RSU1: variants seen among roughly 807,000 people sequenced by gnomAD.
The protein encoded by RSU1 is rsu-1.
RSU1 carries 26 observed loss-of-function variants against 31.1 expected under a neutral mutation model. The ratio of observed to expected loss-of-function variants is 0.84; its 90% CI spans 0.61 to 1.16. RSU1 has a LOEUF of 1.16. Among genes scored for constraint, RSU1 ranks in the 50% most tolerant of loss-of-function variants. The pLI is 0.00. For missense variants in RSU1, 320 were observed against 339.1 expected, an observed-to-expected ratio of 0.94 and a Z score of 0.44; for synonymous variants, 164 against 136.3, an observed-to-expected ratio of 1.20 and a Z score of -1.41.
rs185236350 is a variant in RSU1, at chr10:16,616,581, A to G, written c.732-23085T>C. ...AACAAAAAAAGAAAATTTCAGGCCAATATTCCTGATGAAGATCAACAGGTG... is the reference window on the plus strand; with the variant it reads ...AACAAAAAAAGAAAATTTCAGGCCAGTATTCCTGATGAAGATCAACAGGTG... On this transcript the variant is annotated intron_variant, in intron 8 of 8. Coordinates refer to ENST00000345264, the MANE Select transcript of RSU1 (RefSeq NM_012425.4). Among the ~76,000 whole-genome samples, 768 of 152,292 alleles carry G rather than the reference A, an allele frequency of 5.0e-3. 10 individuals carry two copies. The highest frequency in any genetic ancestry group is 0.018 in the African/African-American group (745 of 41,570).
intron 8 of RSU1, among the ~76,000 whole-genome samples, chr10:16,642,256 G>T (rs577456604): frequency 6.6e-6 from 1 of 152,132 alleles, no homozygotes; most frequent in Non-Finnish European, 1.5e-5. Flanking sequence ...AGGAAAAGAG[G>T]CAAGGGACAT....
chr10:16,614,905 A>G (rs1362307931), intron 8 of RSU1, among the ~76,000 whole-genome samples: 17 of 152,210 alleles, frequency 1.1e-4, no homozygotes, highest in Non-Finnish European at 2.9e-5. Flanking sequence ...TGGAAAGGAA[A>G]AATTTGTAAC....
At chr10:16,675,684 A>G (rs999290103) in intron 8 of RSU1, among the ~76,000 whole-genome samples, 1 of 152,374 alleles carries the variant, frequency 6.6e-6, no homozygotes, top group South Asian at 2.1e-4. Context: ...GTAATATAGT[A>G]AGGACAAAAT....
chr10:16,613,799 A>T (rs1490510327), intron 8 of RSU1, among the ~76,000 whole-genome samples: 2 of 135,866 alleles, frequency 1.5e-5, no homozygotes, highest in African/African-American at 5.8e-5. Context: ...ACAGCTCTTT[A>T]AAAAAAAAAA....
chr10:16,742,169 T>C (rs1836768166), intron 7 of RSU1, among the ~76,000 whole-genome samples: 1 of 152,194 alleles, frequency 6.6e-6, no homozygotes, highest in Non-Finnish European at 1.5e-5. Flanking sequence ...TATTTACTAA[T>C]ATTAGAATGC....
intron 2 of RSU1, among the ~76,000 whole-genome samples, chr10:16,816,021 G>C (rs556167370): frequency 1.3e-5 from 2 of 152,326 alleles, no homozygotes; most frequent in Admixed American, 1.3e-4. Flanking sequence ...GAAACCTGGA[G>C]CATTACCGTC....
At chr10:16,627,437 T>C (rs1381103636) in intron 8 of RSU1, among the ~76,000 whole-genome samples, 6 of 152,158 alleles carry the variant, frequency 3.9e-5, no homozygotes, top group Non-Finnish European at 7.3e-5. Context: ...GCAGAATCTT[T>C]CTCATAGAGT....
At chr10:16,778,904 C>T (rs1473953537) in intron 3 of RSU1, among the ~76,000 whole-genome samples, 1 of 152,222 alleles carries the variant, frequency 6.6e-6, no homozygotes, top group East Asian at 1.9e-4. Flanking sequence ...TACTGCATCA[C>T]AGGCAGGTGC....
chr10:16,746,421 T>C (rs1836856422), intron 7 of RSU1, among the ~76,000 whole-genome samples: 1 of 152,012 alleles, frequency 6.6e-6, no homozygotes, highest in South Asian at 2.1e-4. Context: ...AAAGGCAAAA[T>C]TATCTGGGTA....
At chr10:16,610,521 C>G (rs1021163212) in intron 8 of RSU1, among the ~76,000 whole-genome samples, 3 of 152,132 alleles carry the variant, frequency 2.0e-5, no homozygotes, top group African/African-American at 7.2e-5. Context: ...TTATTTACAG[C>G]TGCTCCCCAT....
intron 6 of RSU1, 21 bp downstream of exon 6, chr10:16,752,897 G>A (rs752818754): frequency 6.2e-7 from 1 of 1,602,430 alleles, no homozygotes; most frequent in South Asian, 1.1e-5. Flanking sequence ...GATTTTCTAA[G>A]AATTTAGATA....
chr10:16,667,260 G>A (rs958300433), intron 8 of RSU1, among the ~76,000 whole-genome samples: 3 of 152,082 alleles, frequency 2.0e-5, no homozygotes, highest in Admixed American at 2.0e-4. Flanking sequence ...TACCCAAAGG[G>A]GTAGGGAATA....
At chr10:16,772,740 A>G (rs182206404) in intron 3 of RSU1, among the ~76,000 whole-genome samples, 169 of 152,002 alleles carry the variant, frequency 1.1e-3, no homozygotes, top group Non-Finnish European at 1.9e-3. Flanking sequence ...GCTCTTTTAT[A>G]TGAGTACATG....
intron 2 of RSU1, among the ~76,000 whole-genome samples, chr10:16,791,882 C>T (rs1388305672): frequency 2.0e-5 from 3 of 152,182 alleles, no homozygotes; most frequent in Non-Finnish European, 4.4e-5. Context: ...AACTCTGGAA[C>T]TTGTCTCCAT....
intron 2 of RSU1, among the ~76,000 whole-genome samples, chr10:16,794,405 G>A (rs1014657214): frequency 6.6e-6 from 1 of 152,196 alleles, no homozygotes; most frequent in Admixed American, 6.5e-5. Flanking sequence ...TCAAGGACCA[G>A]AGTCCATTTT....
intron 2 of RSU1, among the ~76,000 whole-genome samples, chr10:16,810,814 G>C (rs1175470234): frequency 6.6e-6 from 1 of 152,124 alleles, no homozygotes; most frequent in African/African-American, 2.4e-5. Context: ...TTGAGTCCAG[G>C]AGTTCAACAC....
intron 8 of RSU1, among the ~76,000 whole-genome samples, chr10:16,659,160 G>C (rs917569402): frequency 1.3e-5 from 2 of 152,042 alleles, no homozygotes; most frequent in African/African-American, 2.4e-5. Flanking sequence ...GTTGTGGCTT[G>C]CATCTTTTCA....
At chr10:16,782,113 A>G (rs773004413) in intron 2 of RSU1, 29 bp from the exon 3 acceptor site, 20 of 1,582,028 alleles carry the variant, frequency 1.3e-5, no homozygotes, top group Non-Finnish European at 1.6e-5. Context: ...AAAAAAGGTC[A>G]GTCAGTAAAT....
intron 2 of RSU1, among the ~76,000 whole-genome samples, chr10:16,808,302 A>C (rs1838319700): frequency 6.6e-6 from 1 of 151,338 alleles, no homozygotes; most frequent in African/African-American, 2.4e-5. Flanking sequence ...ACATGGCAAA[A>C]CCCCATCCCC....
Sources: allele counts gnomAD v4.1 joint callset (sites outside exome capture counted in the v4.1 genomes callset), GRCh38; gene constraint gnomAD v4.1.1; transcripts MANE v1.5; gene names NCBI Gene and HGNC (gene_info 2026-07-23, HGNC 2026-07-21).